CD72: variants seen among roughly 807,000 people sequenced by gnomAD.
The protein encoded by CD72 is CD72 molecule.
CD72 carries 28 observed loss-of-function variants against 50.7 expected under a neutral mutation model. That is an observed-to-expected ratio of 0.55 (90% CI 0.41 to 0.76). CD72 has a LOEUF of 0.76. Among genes scored for constraint, CD72 ranks in the 30% least tolerant of loss-of-function variants. CD72 has a pLI of 0.00. For missense variants in CD72, 403 were observed against 420.6 expected, an observed-to-expected ratio of 0.96 and a Z score of 0.37; for synonymous variants, 176 against 171.2, an observed-to-expected ratio of 1.03 and a Z score of -0.22.
intron 1 of CD72, among the ~76,000 whole-genome samples, chr9:35,628,533 G>A (rs1449597996): frequency 3.9e-5 from 6 of 152,242 alleles, no homozygotes; most frequent in East Asian, 1.9e-4. Context: ...AGTGATGCTC[G>A]CTGCTCGGCA....
At chr9:35,617,804 G>A (rs1399924359) in intron 2 of CD72, among the ~76,000 whole-genome samples, 2 of 152,154 alleles carry the variant, frequency 1.3e-5, no homozygotes, top group African/African-American at 2.4e-5. Context: ...GGGGGCGCAC[G>A]CCTGCAATCC....
Position 35,613,006 on chromosome 9 carries a change from AAG to A in CD72, c.689-15_689-14del, listed in dbSNP as rs1373234335. On this transcript the variant is annotated splice_polypyrimidine_tract_variant and intron_variant, in intron 5 of 8. Transcript: ENST00000259633. ...GGACAGCAGGTGTCTAAAAAGCAGA[AAG>A]AGTGTGATAGCAGCAACAGTTGGGA... The A allele has an allele frequency of 1.2e-6, 2 of 1,603,404 alleles. No homozygotes were observed. Among genetic ancestry groups the A allele is most frequent in the Non-Finnish European group, 1.7e-6 (2 of 1,173,048 alleles).
intron 1 of CD72, among the ~76,000 whole-genome samples, chr9:35,627,771 C>T (rs572808172): frequency 3.5e-4 from 53 of 152,172 alleles, no homozygotes; most frequent in South Asian, 1.0e-3. Context: ...TCAGAACCAA[C>T]CACAGCACTG....
intron 1 of CD72, among the ~76,000 whole-genome samples, chr9:35,633,106 C>CTT (rs796211569): frequency 2.9e-5 from 4 of 139,100 alleles, no homozygotes; most frequent in Non-Finnish European, 4.7e-5. Flanking sequence ...AATTTTTGTA[C>CTT]TTTTTTTTTT....
intron 1 of CD72, among the ~76,000 whole-genome samples, chr9:35,633,270 T>G (rs939292331): frequency 2.6e-5 from 4 of 151,816 alleles, no homozygotes; most frequent in Admixed American, 2.0e-4. Flanking sequence ...TTTTGTTTTT[T>G]TTTTTTCATT....
intron 5 of CD72, among the ~76,000 whole-genome samples, chr9:35,614,358 G>C (rs1823037384): frequency 6.6e-6 from 1 of 152,212 alleles, no homozygotes; most frequent in Non-Finnish European, 1.5e-5. Flanking sequence ...TGCAGGGAGA[G>C]GAGTGAGTAG....
intron 6 of CD72, among the ~76,000 whole-genome samples, chr9:35,612,533 T>A (rs1473415699): frequency 1.3e-5 from 2 of 151,680 alleles, no homozygotes; most frequent in East Asian, 3.9e-4. Context: ...TGCAGTGAGC[T>A]GAGATTATGC....
chr9:35,620,312 A>C (rs1251545315), upstream of CD72, among the ~76,000 whole-genome samples: 1 of 152,086 alleles, frequency 6.6e-6, no homozygotes, highest in Non-Finnish European at 1.5e-5. Context: ...ACTACAAAAT[A>C]CAAAAAAATT....
chr9:35,617,084 A>G, intron 3 of CD72, 92 bp downstream of exon 3: 1 of 1,521,632 alleles, frequency 6.6e-7, no homozygotes, highest in Non-Finnish European at 8.8e-7. Flanking sequence ...TTTATCCCGG[A>G]AGGAGCTGCA....
At chr9:35,635,152 G>GA (rs1467992229) in intron 1 of CD72, among the ~76,000 whole-genome samples, 1 of 152,164 alleles carries the variant, frequency 6.6e-6, no homozygotes, top group Non-Finnish European at 1.5e-5. Context: ...AAGTATGTAA[G>GA]ATTTCCTATA....
Position 35,616,225 on chromosome 9 carries a change from T to C in CD72, c.406A>G (p.Asn136Asp). The C allele has an allele frequency of 6.2e-7, 1 of 1,614,162 alleles. No individual in the cohort carries two copies. The highest frequency in any genetic ancestry group is 8.5e-7 in the Non-Finnish European group (1 of 1,180,012). ...QQTNRVLEVT[N>D]SSLRQQLRLK... The stretch of plus-strand genomic sequence containing the variant: ...CGGAGCTGCTGCCTCAGGCTGCTGT[T>C]AGTGACTTCCAGAACCCTGTTCGTC... Residue 136 changes from asparagine (N) to aspartate (D), a missense_variant, in exon 5 of 9, where the codon AAC becomes GAC. Coordinates refer to ENST00000259633, the MANE Select transcript of CD72 (RefSeq NM_001782.3).
At chr9:35,617,514 C>G (rs535843316) in intron 2 of CD72, among the ~76,000 whole-genome samples, 1 of 152,214 alleles carries the variant, frequency 6.6e-6, no homozygotes, top group African/African-American at 2.4e-5. Context: ...GGCCCCTTAT[C>G]TGTCGGCTCC....
chr9:35,616,716 G>A (rs768972070), intron 3 of CD72, 27 bp from the exon 4 acceptor site: 4 of 1,564,810 alleles, frequency 2.6e-6, no homozygotes, highest in Non-Finnish European at 2.6e-6. Flanking sequence ...GATGGATGAG[G>A]GCAGTCAGCC....
chr9:35,618,775 C>T (rs115635409), upstream of CD72: 728 of 1,288,506 alleles, frequency 5.6e-4, 2 homozygotes, highest in African/African-American at 9.3e-3. Flanking sequence ...GGTGAGGCTC[C>T]GTTCTCCCCA....
At chr9:35,629,272 T>C (rs1482379274) in intron 1 of CD72, among the ~76,000 whole-genome samples, 1 of 152,186 alleles carries the variant, frequency 6.6e-6, no homozygotes, top group African/African-American at 2.4e-5. Flanking sequence ...GCTCTTCAAC[T>C]GAGGTTAGAA....
At chr9:35,628,559 T>G (rs2131780070) in intron 1 of CD72, among the ~76,000 whole-genome samples, 1 of 152,348 alleles carries the variant, frequency 6.6e-6, no homozygotes, top group Non-Finnish European at 1.5e-5. Flanking sequence ...TGTCAGTGCC[T>G]CAGCCATTTC....
chr9:35,644,636 C>A (rs1380530248), intron 1 of CD72, among the ~76,000 whole-genome samples: 1 of 152,130 alleles, frequency 6.6e-6, no homozygotes, highest in Non-Finnish European at 1.5e-5. Context: ...GATCTGTCAG[C>A]CTCCTTTTGG....
chr9:35,625,247 T>A (rs375963651), intron 1 of CD72, among the ~76,000 whole-genome samples: 1 of 152,172 alleles, frequency 6.6e-6, no homozygotes, highest in Non-Finnish European at 1.5e-5. Flanking sequence ...ACAGAAATGA[T>A]AAGAAAGCAA....
chr9:35,610,913 A>G (rs1822970829), intron 7 of CD72, among the ~76,000 whole-genome samples, 160 bp from the exon 8 acceptor site: 1 of 152,148 alleles, frequency 6.6e-6, no homozygotes, highest in South Asian at 2.1e-4. Flanking sequence ...CAACTAAAAC[A>G]GACTTTAGAA....
Sources: gnomAD v4.1 joint callset for allele counts (sites outside exome capture counted in the v4.1 genomes callset) on GRCh38, gnomAD v4.1.1 for gene constraint, MANE v1.5 for transcripts, NCBI Gene and HGNC (gene_info 2026-07-23, HGNC 2026-07-21) for gene names.